ROBO2: variants seen among roughly 807,000 people sequenced by gnomAD.
ROBO2 encodes the protein roundabout homolog 2.
ROBO2 carries 53 observed loss-of-function variants against 160.8 expected under a neutral mutation model. The observed-to-expected ratio is 0.33, with a 90% CI of 0.26 to 0.41. The LOEUF (loss-of-function observed/expected upper bound fraction) is 0.41. Ranked by LOEUF, ROBO2 falls within the 10% of genes least tolerant of loss-of-function variation. The pLI, the probability that ROBO2 is intolerant of heterozygous loss-of-function variation, is 1.00. For synonymous variants in ROBO2, 664 were observed against 611.7 expected (o/e 1.09, Z -1.26); for missense variants, 1,577 against 1,722.4 (o/e 0.92, Z 1.49).
At chr3:76,775,150 C>G (rs2062161460) in intron 2 of ROBO2, among the ~76,000 whole-genome samples, 1 of 150,332 alleles carries the variant, frequency 6.7e-6, no homozygotes, top group South Asian at 2.1e-4. Flanking sequence ...TATATTTATC[C>G]ATGTCTTTAT....
chr3:76,804,683 C>T (rs565939006), intron 2 of ROBO2, among the ~76,000 whole-genome samples: 26 of 152,266 alleles, frequency 1.7e-4, no homozygotes, highest in African/African-American at 6.3e-4. Flanking sequence ...TTTTCTTCCC[C>T]TTGTTTAGAC....
At chr3:76,797,360 A>G (rs2063778846) in intron 2 of ROBO2, among the ~76,000 whole-genome samples, 1 of 152,198 alleles carries the variant, frequency 6.6e-6, no homozygotes, top group African/African-American at 2.4e-5. Flanking sequence ...GAAGAAATTA[A>G]GAAAAAAATT....
intron 2 of ROBO2, among the ~76,000 whole-genome samples, chr3:76,922,982 T>C (rs184680581): frequency 6.6e-6 from 1 of 152,334 alleles, no homozygotes; most frequent in Admixed American, 6.5e-5. Flanking sequence ...TTTTATCCGC[T>C]CTCAAGAGAA....
At chr3:75,922,845 T>C (rs1221465304) in intron 1 of ROBO2, among the ~76,000 whole-genome samples, 1 of 152,180 alleles carries the variant, frequency 6.6e-6, no homozygotes, top group African/African-American at 2.4e-5. Flanking sequence ...AACTGACATT[T>C]CCATAATTTT....
intron 2 of ROBO2, among the ~76,000 whole-genome samples, chr3:77,358,472 C>T (rs2153464479): frequency 6.6e-6 from 1 of 152,296 alleles, no homozygotes; most frequent in South Asian, 2.1e-4. Context: ...AGAATTAGGA[C>T]TTCAACATGT....
intron 2 of ROBO2, among the ~76,000 whole-genome samples, chr3:76,511,976 G>A (rs2081115106): frequency 6.6e-6 from 1 of 152,098 alleles, no homozygotes; most frequent in African/African-American, 2.4e-5. Flanking sequence ...CATGTTAACA[G>A]TGCCTGAAAA....
intron 2 of ROBO2, among the ~76,000 whole-genome samples, chr3:77,401,430 G>C (rs561393604): frequency 6.6e-6 from 1 of 151,992 alleles, no homozygotes; most frequent in Non-Finnish European, 1.5e-5. Context: ...TTTCATATAC[G>C]CTAGATGCAA....
chr3:76,998,909 A>C (rs2061183267), intron 2 of ROBO2, among the ~76,000 whole-genome samples: 1 of 152,194 alleles, frequency 6.6e-6, no homozygotes, highest in Admixed American at 6.6e-5. Flanking sequence ...ATGGATCTTA[A>C]TATTCATATC....
chr3:77,518,039 C>G (rs1026735282), intron 5 of ROBO2, among the ~76,000 whole-genome samples: 2 of 151,376 alleles, frequency 1.3e-5, no homozygotes, highest in Admixed American at 6.6e-5. Flanking sequence ...ATAAGAAACC[C>G]AAAATTGAAA....
chr3:77,343,002 C>G (rs1304358322), intron 2 of ROBO2, among the ~76,000 whole-genome samples: 1 of 151,786 alleles, frequency 6.6e-6, no homozygotes, highest in Non-Finnish European at 1.5e-5. Context: ...GTCTTCCTGG[C>G]TTGCAGATAG....
At chr3:76,587,780 A>G (rs2086148097) in intron 2 of ROBO2, among the ~76,000 whole-genome samples, 1 of 152,172 alleles carries the variant, frequency 6.6e-6, no homozygotes, top group African/African-American at 2.4e-5. Context: ...TTTTTCTCCA[A>G]GTCATGCCTT....
intron 2 of ROBO2, among the ~76,000 whole-genome samples, chr3:77,304,405 G>A (rs533640903): frequency 1.2e-3 from 181 of 152,312 alleles, no homozygotes; most frequent in African/African-American, 4.3e-3. Context: ...GCTTGAGAAA[G>A]GCAGAGTCAA....
intron 24 of ROBO2, among the ~76,000 whole-genome samples, chr3:77,640,060 T>C (rs1053142790): frequency 2.0e-5 from 3 of 149,776 alleles, no homozygotes; most frequent in African/African-American, 7.4e-5. Context: ...AGAATGTAAC[T>C]GTGACCAACT....
At chr3:76,717,856 A>AT (rs1287684006) in intron 2 of ROBO2, among the ~76,000 whole-genome samples, 1 of 150,940 alleles carries the variant, frequency 6.6e-6, no homozygotes, top group African/African-American at 2.5e-5. Flanking sequence ...TCACAAAATT[A>AT]TTTTTTAATC....
chr3:77,355,695 G>C (rs2069009049), intron 2 of ROBO2, among the ~76,000 whole-genome samples: 1 of 152,074 alleles, frequency 6.6e-6, no homozygotes, highest in African/African-American at 2.4e-5. Flanking sequence ...TCATAGGAAA[G>C]TTTAATATAA....
In ROBO2 at chr3:77,140,072, G is replaced by C. The variant is rs576665685; in HGVS notation, c.388+41732G>C. On this transcript the variant is annotated intron_variant, in intron 2 of 25. Coordinates refer to ENST00000461745, the Ensembl canonical transcript of ROBO2. ...CAGACATAGTTCCAGGCAGATTTTT[G>C]TAATTTTAAACTCTATAAATGAACA... 1.5e-4 allele frequency among the ~76,000 whole-genome samples: 23 copies of C among 152,264 alleles called. No individual in the cohort carries two copies. In the South Asian group the frequency reaches 2.1e-3, roughly 14 times the overall value.
intron 20 of ROBO2, among the ~76,000 whole-genome samples, chr3:77,605,582 G>A (rs1462575690): frequency 6.6e-6 from 1 of 152,144 alleles, no homozygotes; most frequent in Non-Finnish European, 1.5e-5. Context: ...TTCCCAAATA[G>A]ATTTTTAAAT....
chr3:76,006,388 C>T (rs1018843514), intron 2 of ROBO2, among the ~76,000 whole-genome samples: 5 of 152,082 alleles, frequency 3.3e-5, no homozygotes, highest in Admixed American at 2.0e-4. Flanking sequence ...CATTTTTAGC[C>T]TTAAATCACT....
At chr3:76,348,256 G>T (rs1194816956) in intron 2 of ROBO2, among the ~76,000 whole-genome samples, 2 of 152,216 alleles carry the variant, frequency 1.3e-5, no homozygotes, top group East Asian at 3.9e-4. Flanking sequence ...ACAAAGATTG[G>T]GTTGCATCTT....
Sources: allele counts gnomAD v4.1 joint callset (sites outside exome capture counted in the v4.1 genomes callset), GRCh38; gene constraint gnomAD v4.1.1; transcripts MANE v1.5; gene names NCBI Gene and HGNC (gene_info 2026-07-23, HGNC 2026-07-21).